The following EPB41L4A variants were observed in gnomAD, a reference collection of about 807,000 sequenced individuals.
EPB41L4A encodes the protein band 4.1-like protein 4A.
Under a neutral mutation model 108.6 loss-of-function variants are expected in EPB41L4A, and 100 were observed. That is an observed-to-expected ratio of 0.92 (90% CI 0.78 to 1.09). The LOEUF is 1.09. Among genes scored for constraint, EPB41L4A ranks in the 50% least tolerant of loss-of-function variants. The pLI, the probability that EPB41L4A is intolerant of heterozygous loss-of-function variation, is 0.00. For missense variants in EPB41L4A, 1,030 were observed against 842.7 expected (o/e 1.22, Z -2.75); for synonymous variants, 319 against 289.0 (o/e 1.10, Z -1.05).
At chr5:112,223,212 T>C (rs1409168409) in intron 12 of EPB41L4A, among the ~76,000 whole-genome samples, 1 of 152,124 alleles carries the variant, frequency 6.6e-6, no homozygotes, top group African/African-American at 2.4e-5. Context: ...AGTGCTGGAA[T>C]TACAGGATTG....
At chr5:112,296,580 T>A (rs56281497) in intron 2 of EPB41L4A, among the ~76,000 whole-genome samples, 9,350 of 152,240 alleles carry the variant, frequency 0.061, 323 homozygotes, top group Non-Finnish European at 0.068. Flanking sequence ...AAGATGCGCT[T>A]CCAATAAATA....
At position 112,170,342 on chromosome 5, in the gene EPB41L4A, C is replaced by A. The variant is rs1760502749; in HGVS notation, c.1698G>T (p.Leu566Phe). ...IQKELVDPSG[L>F]SEEQLKEIPY... ...GAATCTCTTTTAATTGTTCTTCGGA[C>A]AATCCGGATGGATCCACAAGTTCTT... Residue 566 changes from leucine (L) to phenylalanine (F), a missense_variant, in exon 20 of 23, where the codon TTG becomes TTT. Transcript: ENST00000261486. 2 of 1,612,884 alleles carry A rather than the reference C, an allele frequency of 1.2e-6. No individual in the cohort carries two copies. Among genetic ancestry groups the A allele is most frequent in the Non-Finnish European group, 1.7e-6 (2 of 1,179,216 alleles).
chr5:112,276,006 T>C (rs766930470), intron 3 of EPB41L4A, among the ~76,000 whole-genome samples: 1 of 152,128 alleles, frequency 6.6e-6, no homozygotes, highest in Non-Finnish European at 1.5e-5. Flanking sequence ...TTTTTTTTCC[T>C]GGAAGAGTAC....
At chr5:112,300,822 G>T (rs181144351) in intron 2 of EPB41L4A, among the ~76,000 whole-genome samples, 265 of 152,140 alleles carry the variant, frequency 1.7e-3, no homozygotes, top group Non-Finnish European at 3.0e-3. Flanking sequence ...CACATTTCTT[G>T]GAGGTTTTGT....
chr5:112,370,726 CCAACACGGCAAAACCCTGT>C (rs1348147493), intron 1 of EPB41L4A, among the ~76,000 whole-genome samples: 1 of 152,140 alleles, frequency 6.6e-6, no homozygotes, highest in Non-Finnish European at 1.5e-5. Flanking sequence ...GCCAACCTGG[CCAACACGGCAAAACCCTGT>C]CTCTACTAAA....
chr5:112,224,107 GCGTC>G (rs1400456586), intron 12 of EPB41L4A, among the ~76,000 whole-genome samples: 1 of 152,048 alleles, frequency 6.6e-6, no homozygotes, highest in Non-Finnish European at 1.5e-5. Flanking sequence ...GCCTGCCACT[GCGTC>G]CGGCTAATTT....
chr5:112,359,247 G>A (rs1478205361), intron 1 of EPB41L4A, among the ~76,000 whole-genome samples: 1 of 152,204 alleles, frequency 6.6e-6, no homozygotes, highest in Admixed American at 6.5e-5. Flanking sequence ...GAATCCAGGG[G>A]TGTGTTTTCT....
intron 12 of EPB41L4A, among the ~76,000 whole-genome samples, chr5:112,217,324 T>G (rs1016933421): frequency 6.6e-6 from 1 of 152,154 alleles, no homozygotes; most frequent in African/African-American, 2.4e-5. Flanking sequence ...ATTTGGAAAA[T>G]AAAGATGTTT....
chr5:112,298,925 T>C (rs1013555017), intron 2 of EPB41L4A, among the ~76,000 whole-genome samples: 2 of 152,224 alleles, frequency 1.3e-5, no homozygotes, highest in Non-Finnish European at 2.9e-5. Context: ...TTTTCTAGTT[T>C]ATGCACGTAA....
At chr5:112,333,659 G>GTC (rs911598104) in intron 1 of EPB41L4A, among the ~76,000 whole-genome samples, 17 of 151,938 alleles carry the variant, frequency 1.1e-4, no homozygotes, top group Non-Finnish European at 5.9e-5. Context: ...ATGAGTTGCA[G>GTC]TCTCTCTCTC....
chr5:112,307,440 G>T lies in EPB41L4A; in HGVS notation c.150C>A (p.Asn50Lys), dbSNP rs749858546. The stretch of plus-strand genomic sequence containing the variant: ...GCCCAAAATAATCTATCTCCACAAG[G>T]TTTACGTGATGGAATACGTGGTCAA... The part of the protein sequence containing the change: ...VVLDHVFHHV[N>K]LVEIDYFGLR... Residue 50 changes from asparagine (N) to lysine (K), a missense_variant, in exon 2 of 23, where the codon AAC (asparagine) becomes AAA (lysine). By Grantham distance (94) the Asn-to-Lys change is moderately conservative. Coordinates refer to ENST00000261486, the MANE Select transcript of EPB41L4A (RefSeq NM_022140.5). The T allele has an allele frequency of 8.1e-6, 13 of 1,613,290 alleles. No homozygotes were observed. The highest frequency in any genetic ancestry group is 1.1e-5 in the Non-Finnish European group (13 of 1,179,410).
At chr5:112,336,690 T>C (rs1300287270) in intron 1 of EPB41L4A, among the ~76,000 whole-genome samples, 1 of 152,156 alleles carries the variant, frequency 6.6e-6, no homozygotes, top group Non-Finnish European at 1.5e-5. Flanking sequence ...AAGGAGATGA[T>C]GACAACATCC....
At chr5:112,224,048 T>A (rs1285724273) in intron 12 of EPB41L4A, among the ~76,000 whole-genome samples, 6 of 152,006 alleles carry the variant, frequency 3.9e-5, no homozygotes, top group Non-Finnish European at 7.4e-5. Context: ...GCCCCGCAGG[T>A]TCAAGCGATT....
rs1476593802 is a variant in EPB41L4A at position 112,209,950 on chromosome 5, T to C, written c.1120A>G (p.Met374Val). Residue 374 changes from methionine to valine, a missense_variant, in exon 13 of 23, where the codon ATG becomes GTG. Transcript: ENST00000261486. ...SNSISRITAN[M>V]ENGENEGTIK... ...GTTCCTTCATTTTCTCCATTTTCCA[T>C]GTTTGCAGTTATCCTACTGATGCTG... The C allele has an allele frequency of 6.2e-7, 1 of 1,607,212 alleles. No individual in the cohort carries two copies.
chr5:112,364,906 C>A (rs981971240), intron 1 of EPB41L4A, among the ~76,000 whole-genome samples: 2 of 151,806 alleles, frequency 1.3e-5, no homozygotes, highest in Non-Finnish European at 2.9e-5. Context: ...TTACATATAC[C>A]CTTATATTCA....
At chr5:112,416,670 A>G (rs373604579) in intron 1 of EPB41L4A, among the ~76,000 whole-genome samples, 32 of 152,294 alleles carry the variant, frequency 2.1e-4, no homozygotes, top group African/African-American at 7.7e-4. Flanking sequence ...TTACTTTTTC[A>G]TTTACAAACT....
At chr5:112,345,321 C>T (rs1171050204) in intron 1 of EPB41L4A, among the ~76,000 whole-genome samples, 5 of 152,168 alleles carry the variant, frequency 3.3e-5, no homozygotes, top group African/African-American at 7.2e-5. Context: ...TAATAGGGAA[C>T]TGACTATATA....
At chr5:112,331,701 GC>G (rs1756580690) in intron 1 of EPB41L4A, among the ~76,000 whole-genome samples, 1 of 152,198 alleles carries the variant, frequency 6.6e-6, no homozygotes, top group African/African-American at 2.4e-5. Context: ...TAAGCAGGAT[GC>G]AGGATCTTCG....
At chr5:112,406,363 T>C (rs1238730158) in intron 1 of EPB41L4A, among the ~76,000 whole-genome samples, 2 of 152,148 alleles carry the variant, frequency 1.3e-5, no homozygotes, top group African/African-American at 4.8e-5. Context: ...CATGGAGCTT[T>C]AAAAACTCAG....
Sources: gnomAD v4.1 joint callset for allele counts (sites outside exome capture counted in the v4.1 genomes callset) on GRCh38, gnomAD v4.1.1 for gene constraint, MANE v1.5 for transcripts, NCBI Gene and HGNC (gene_info 2026-07-23, HGNC 2026-07-21) for gene names.